ADGRE2: variants seen among roughly 807,000 people sequenced by gnomAD.
ADGRE2 encodes adhesion G protein-coupled receptor E2, also known as CD97 antigen.
In ADGRE2, 83 loss-of-function variants were observed where a neutral mutation model predicts 100.8. The ratio of observed to expected loss-of-function variants is 0.82; its 90% CI spans 0.69 to 0.99. The LOEUF is 0.99. ADGRE2 is among the 50% of genes least tolerant of loss of function. The pLI is 0.00. For synonymous variants in ADGRE2, 355 were observed against 413.0 expected (o/e 0.86, Z 1.70); for missense variants, 814 against 1,035.7 (o/e 0.79, Z 2.94).
chr19:14,744,313 T>C (rs377187040), intron 18 of ADGRE2, among the ~76,000 whole-genome samples: 1 of 152,250 alleles, frequency 6.6e-6, no homozygotes, highest in African/African-American at 2.4e-5. Context: ...ACACAGTCTC[T>C]TCAAATCACC....
intron 14 of ADGRE2, 131 bp from the exon 15 acceptor site, chr19:14,752,657 G>A: frequency 8.7e-7 from 1 of 1,144,108 alleles, no homozygotes; most frequent in South Asian, 1.5e-5. Context: ...TTGTGAAGAT[G>A]TCACCAATTT....
chr19:14,767,264 A>T (rs1001877466), intron 5 of ADGRE2, among the ~76,000 whole-genome samples, 155 bp from the exon 6 acceptor site: 3 of 143,180 alleles, frequency 2.1e-5, no homozygotes, highest in African/African-American at 7.9e-5. Flanking sequence ...TTTGAGACGG[A>T]GTCTTGCTCT....
intron 14 of ADGRE2, 134 bp downstream of exon 14, chr19:14,754,820 A>C: frequency 1.1e-6 from 1 of 941,108 alleles, no homozygotes; most frequent in South Asian, 1.7e-5. Flanking sequence ...TGAGCAGAAA[A>C]GCCATCTTGC....
chr19:14,769,319 G>A (rs1365844168), intron 5 of ADGRE2, among the ~76,000 whole-genome samples: 1 of 152,192 alleles, frequency 6.6e-6, no homozygotes, highest in Non-Finnish European at 1.5e-5. Context: ...CTCTGTGGAG[G>A]GTTCTGAACC....
At chr19:14,765,262 C>G in intron 10 of ADGRE2, 58 bp downstream of exon 10, 1 of 1,598,598 alleles carries the variant, frequency 6.3e-7, no homozygotes, top group Non-Finnish European at 8.6e-7. Context: ...TGCCCCAGGC[C>G]TCTGTGGGAT....
chr19:14,751,455 G>A lies in ADGRE2; in HGVS notation c.2005C>T (p.Leu669Phe). ...VAISAASRPH[L>F]YGTPSRCWLQ... ...ACTAACCGGGAAGGTGTTCCATAAA[G>A]GTGAGGCCTGGAGGCTGCAGAAATG... Residue 669 changes from leucine (L) to phenylalanine (F), a missense_variant, in exon 16 of 21, where the codon CTT (leucine) becomes TTT (phenylalanine). Physicochemically the swap from Leu to Phe is conservative, Grantham distance 22. Coordinates refer to ENST00000315576, the MANE Select transcript of ADGRE2 (RefSeq NM_013447.4). 1.9e-6 allele frequency: 3 copies of A among 1,613,934 alleles called. No individual in the cohort carries two copies. Among genetic ancestry groups the A allele is most frequent in the Non-Finnish European group, 2.5e-6 (3 of 1,179,800 alleles).
chr19:14,776,435 T>G, intron 2 of ADGRE2: 1 of 378,868 alleles, frequency 2.6e-6, no homozygotes, highest in Non-Finnish European at 4.9e-6. Context: ...CGTGCCTCAG[T>G]TTCCCCTCTT....
At chr19:14,757,978 T>C (rs1022019847) in intron 11 of ADGRE2, among the ~76,000 whole-genome samples, 1 of 152,186 alleles carries the variant, frequency 6.6e-6, no homozygotes, top group Non-Finnish European at 1.5e-5. Context: ...TAATTATTTT[T>C]ATTTTTATTT....
In ADGRE2 at chr19:14,750,217, T is replaced by C. The variant is rs944917767; in HGVS notation, c.2024+1219A>G. The stretch of plus-strand genomic sequence containing the variant: ...ATATAATATTAATATATAAATTACA[T>C]AGATATATATTTATATAAAAATTAC... On this transcript the variant is annotated intron_variant, in intron 16 of 20. Transcript: ENST00000315576. 2.1e-5 allele frequency among the ~76,000 whole-genome samples: 3 copies of C among 145,948 alleles called. 1 individual carries two copies. The highest frequency in any genetic ancestry group is 4.5e-5 in the Non-Finnish European group (3 of 66,940).
rs200037098 is a variant in ADGRE2 at position 14,764,550 on chromosome 19, G to C, written c.967C>G (p.Arg323Gly). The C allele has an allele frequency of 9.2e-5, 148 of 1,612,932 alleles. No individual in the cohort carries two copies. The highest frequency in any genetic ancestry group is 1.1e-4 in the Non-Finnish European group (135 of 1,179,934). Residue 323 changes from arginine (R) to glycine (G), a missense_variant, in exon 11 of 21, where the codon CGC becomes GGC. Transcript: ENST00000315576. ...EAPGDLETLP[R>G]LQQHCVASHL... is the part of the protein sequence containing the mutation. Reference sequence around the variant, plus strand: ...CTGGCCACACAGTGCTGCTGTAAGCGGGGCAGGGTCTCCAGGTCCCCAGGG... The same window carrying C: ...CTGGCCACACAGTGCTGCTGTAAGCCGGGCAGGGTCTCCAGGTCCCCAGGG...
chr19:14,762,665 G>T (rs1298913048), intron 11 of ADGRE2, among the ~76,000 whole-genome samples: 1 of 151,492 alleles, frequency 6.6e-6, no homozygotes, highest in Non-Finnish European at 1.5e-5. Flanking sequence ...TGTTTGAGAT[G>T]GAGTGGCACT....
At chr19:14,745,639 C>T (rs2043064078) in intron 18 of ADGRE2, among the ~76,000 whole-genome samples, 1 of 152,152 alleles carries the variant, frequency 6.6e-6, no homozygotes, top group South Asian at 2.1e-4. Flanking sequence ...GAGTCTCACT[C>T]TATTGCCCAG....
At chr19:14,749,597 C>CTTATTTATAGT (rs2043212100) in intron 16 of ADGRE2, among the ~76,000 whole-genome samples, 1 of 18,512 alleles carries the variant, frequency 5.4e-5, no homozygotes, top group African/African-American at 2.0e-4. Context: ...TTATTTATAG[C>CTTATTTATAGT]TATGTTATAT....
rs1265450494 is a variant in ADGRE2 at position 14,743,607 on chromosome 19, C to A, written c.2352+9G>T. The A allele has an allele frequency of 5.6e-6, 9 of 1,614,028 alleles. No homozygotes were observed. Among genetic ancestry groups the A allele is most frequent in the South Asian group, 3.3e-5 (3 of 91,068 alleles). On this transcript the variant is annotated intron_variant, in intron 19 of 20. Coordinates refer to ENST00000315576, the MANE Select transcript of ADGRE2 (RefSeq NM_013447.4). The stretch of plus-strand genomic sequence containing the variant: ...GGAAGAGTCCTGGGTGGGAGCTGGG[C>A]AGTGGTACCTGCTGGCTGAGGAGGC...
intron 18 of ADGRE2, among the ~76,000 whole-genome samples, chr19:14,744,885 G>A (rs929492961): frequency 6.7e-6 from 1 of 148,672 alleles, no homozygotes; most frequent in Admixed American, 6.6e-5. Context: ...GAAAATGTAC[G>A]TGTTCTTTGC....
chr19:14,777,010 A>ACACACACC, intron 1 of ADGRE2, 83 bp from the exon 2 acceptor site: 1 of 1,298,460 alleles, frequency 7.7e-7, no homozygotes, highest in Non-Finnish European at 9.9e-7. Context: ...ACACACACAC[A>ACACACACC]CACACGTGTA....
chr19:14,777,007 CA>C, intron 1 of ADGRE2, 80 bp from the exon 2 acceptor site: 1 of 1,371,556 alleles, frequency 7.3e-7, no homozygotes, highest in Non-Finnish European at 9.4e-7. Context: ...CACACACACA[CA>C]CACACACGTG....
chr19:14,774,760 A>G (rs932173003), intron 2 of ADGRE2, among the ~76,000 whole-genome samples: 1 of 146,182 alleles, frequency 6.8e-6, no homozygotes, highest in East Asian at 2.0e-4. Flanking sequence ...TGCAATCTCT[A>G]CCTCCTGGGT....
downstream of ADGRE2, among the ~76,000 whole-genome samples, chr19:14,730,646 A>G (rs1245179062): frequency 6.6e-6 from 1 of 152,142 alleles, no homozygotes; most frequent in Non-Finnish European, 1.5e-5. Flanking sequence ...AATGTCTATC[A>G]ACAGTGATTT....
Sources: gnomAD v4.1 joint callset for allele counts (sites outside exome capture counted in the v4.1 genomes callset) on GRCh38, gnomAD v4.1.1 for gene constraint, MANE v1.5 for transcripts, NCBI Gene and HGNC (gene_info 2026-07-23, HGNC 2026-07-21) for gene names.